The following KRT7 variants were observed in gnomAD, a reference collection of about 807,000 sequenced individuals.
KRT7 encodes the protein keratin, type II cytoskeletal 7.
Under a neutral mutation model 42.8 loss-of-function variants are expected in KRT7, and 50 were observed. That is an observed-to-expected ratio of 1.17 (90% confidence interval 0.93 to 1.48). KRT7 has a LOEUF of 1.48. Ranked by LOEUF, KRT7 falls within the 40% of genes most tolerant of loss-of-function variation. The pLI is 0.00. For synonymous variants in KRT7, 268 were observed against 266.3 expected (o/e 1.01, Z -0.06); for missense variants, 588 against 637.6 (o/e 0.92, Z 0.84).
At chr12:52,243,738 C>T (rs1261233680) in intron 6 of KRT7, among the ~76,000 whole-genome samples, 2 of 152,218 alleles carry the variant, frequency 1.3e-5, no homozygotes, top group South Asian at 2.1e-4. Context: ...TTCTCAGAGA[C>T]GGCACTCTCA....
chr12:52,248,040 C>A, intron 7 of KRT7, 137 bp from the exon 8 acceptor site: 1 of 827,684 alleles, frequency 1.2e-6, no homozygotes, highest in Non-Finnish European at 2.0e-6. Context: ...TTTTACAAGG[C>A]TGAAGGCAGG....
At chr12:52,252,507 G>C (rs761803685), downstream of KRT7, 1 of 1,612,190 alleles carries the variant, frequency 6.2e-7, no homozygotes, top group Non-Finnish European at 8.5e-7. Flanking sequence ...GGGTTATTAA[G>C]GATCTCTGTT....
chr12:52,233,444 G>C lies in KRT7; in HGVS notation c.148G>C (p.Ala50Pro). 1 of 1,582,420 alleles carries C rather than the reference G, an allele frequency of 6.3e-7. No homozygotes were observed. The highest frequency in any genetic ancestry group is 8.6e-7 in the Non-Finnish European group (1 of 1,169,490). The change falls in exon 1 of 9, where the codon GCC (alanine) becomes CCC (proline). Residue 50 changes from alanine (A) to proline (P), a missense_variant. By Grantham distance (27) the Ala-to-Pro change is conservative (BLOSUM62 -1). Coordinates refer to ENST00000331817, the MANE Select transcript of KRT7 (RefSeq NM_005556.4). ...YGLGASRPRV[A>P]VRSAYGGPVG... Reference sequence around the variant, plus strand: ...CCTCGGCGCCTCACGGCCGCGCGTGGCCGTGCGCTCTGCCTATGGGGGCCC... The same window carrying C: ...CCTCGGCGCCTCACGGCCGCGCGTGCCCGTGCGCTCTGCCTATGGGGGCCC...
chr12:52,233,459 T>C lies in KRT7; in HGVS notation c.163T>C (p.Tyr55His), dbSNP rs770671474. The C allele has an allele frequency of 2.5e-6, 4 of 1,608,564 alleles. No homozygotes were observed. The highest frequency in any genetic ancestry group is 2.5e-6 in the Non-Finnish European group (3 of 1,178,416). The change falls in exon 1 of 9, where the codon TAT becomes CAT. Residue 55 changes from tyrosine to histidine, a missense_variant. Coordinates refer to ENST00000331817, the MANE Select transcript of KRT7 (RefSeq NM_005556.4). ...GCCGCGCGTGGCCGTGCGCTCTGCC[T>C]ATGGGGGCCCGGTGGGCGCCGGCAT... ...SRPRVAVRSA[Y>H]GGPVGAGIRE...
At chr12:52,255,393 G>C (rs866530999), downstream of KRT7, 2 of 456,672 alleles carry the variant, frequency 4.4e-6, no homozygotes, top group African/African-American at 2.0e-5. Context: ...GGCCCTTAGT[G>C]CCACCTCTTC....
downstream of KRT7, chr12:52,253,639 G>A (rs778938354): frequency 5.6e-5 from 86 of 1,545,646 alleles, no homozygotes; most frequent in South Asian, 6.6e-5. Flanking sequence ...GCCCGGCTGC[G>A]GGTGGCAATG....
chr12:52,253,231 C>T (rs568102715), downstream of KRT7: 18 of 1,609,360 alleles, frequency 1.1e-5, no homozygotes, highest in African/African-American at 1.5e-4. Context: ...TGGCGTTCTC[C>T]ACCTCGGCTG....
At chr12:52,238,075 C>T (rs1398314563) in intron 3 of KRT7, among the ~76,000 whole-genome samples, 1 of 152,130 alleles carries the variant, frequency 6.6e-6, no homozygotes, top group East Asian at 1.9e-4. Flanking sequence ...CCAGGCCAAA[C>T]CACAGAATTG....
chr12:52,237,512 C>A lies in KRT7; in HGVS notation c.540C>A (p.Tyr180Ter). The A allele has an allele frequency of 6.2e-7, 1 of 1,610,110 alleles. No homozygotes were observed. Among genetic ancestry groups the A allele is most frequent in the Non-Finnish European group, 8.5e-7 (1 of 1,177,394 alleles). ...QDVVEDFKNK[Y>*]EDEINHRTAA... Reference sequence around the variant, plus strand: ...ACCAGGCCCTCCTCTACTGTAGGTACGAAGATGAAATTAACCACCGCACAG... The same window carrying A: ...ACCAGGCCCTCCTCTACTGTAGGTAAGAAGATGAAATTAACCACCGCACAG... Residue 180 changes from tyrosine (Y) to a stop codon, truncating the protein, a stop_gained, in exon 3 of 9, where the codon TAC (tyrosine) becomes TAA (stop). Coordinates refer to ENST00000331817, the MANE Select transcript of KRT7 (RefSeq NM_005556.4). LOFTEE classifies it high-confidence loss of function.
chr12:52,250,999 A>C (rs549568644), downstream of KRT7, among the ~76,000 whole-genome samples: 2 of 152,288 alleles, frequency 1.3e-5, no homozygotes, highest in Admixed American at 1.3e-4. Flanking sequence ...TTTATTTTTG[A>C]GACGGAGTCT....
rs1942029978 is a variant in KRT7, at chr12:52,237,634, C to T, written c.597+65C>T. 2.8e-6 allele frequency: 4 copies of T among 1,404,688 alleles called. No individual in the cohort carries two copies. The Admixed American group carries it at 7.1e-5, about 25-fold the overall frequency. 87.0% of individuals were successfully genotyped at this position (1,404,688 alleles called of 1,614,324 possible). A position where few individuals can be genotyped will look rare whatever the true frequency, so the allele number is the denominator to read the frequency against. On this transcript the variant is annotated intron_variant, in intron 3 of 8. Transcript: ENST00000331817. ...ACATGGGACAAAGGACCACAGGATC[C>T]TCTCACCTGAGCAGCCCATGGGGAC...
chr12:52,255,844 T>C (rs966950163), downstream of KRT7, among the ~76,000 whole-genome samples: 1 of 152,212 alleles, frequency 6.6e-6, no homozygotes, highest in Non-Finnish European at 1.5e-5. Flanking sequence ...ATAAACATAA[T>C]GATGAAGTAG....
At chr12:52,254,489 C>T, downstream of KRT7, 1 of 427,680 alleles carries the variant, frequency 2.3e-6, no homozygotes, top group Non-Finnish European at 4.6e-6. Flanking sequence ...TGTACGTGCT[C>T]ATCCCAGTGC....
At chr12:52,252,541 G>A (rs1201648804), downstream of KRT7, 4 of 1,583,652 alleles carry the variant, frequency 2.5e-6, no homozygotes, top group Non-Finnish European at 3.4e-6. Context: ...CAGAGGCCAG[G>A]TAACCACTGA....
In KRT7 at chr12:52,241,499, TCC is replaced by T; in HGVS notation, c.722_723del (p.Ser241Ter). ...GTTGACAGAGCTGCAGTCCCAGATC[TCC>T]GACACATCTGTGGTGCTGTCCATGG... is the stretch of plus-strand genomic sequence containing the variant. ...TELTELQSQI[S>X]DTSVVLSMDN... On this transcript the variant is annotated frameshift_variant, in exon 5 of 9. Coordinates refer to ENST00000331817, the MANE Select transcript of KRT7 (RefSeq NM_005556.4). LOFTEE classifies it high-confidence loss of function. The T allele has an allele frequency of 1.2e-6, 2 of 1,613,358 alleles. No individual in the cohort carries two copies. Among genetic ancestry groups the T allele is most frequent in the Non-Finnish European group, 1.7e-6 (2 of 1,179,614 alleles).
At chr12:52,235,398 C>T (rs1270297282) in intron 2 of KRT7, 32 bp downstream of exon 2, 2 of 1,559,448 alleles carry the variant, frequency 1.3e-6, no homozygotes, top group Admixed American at 3.5e-5. Context: ...GCGAAGACCC[C>T]TGCCCCGGGC....
At chr12:52,239,127 G>GT (rs34771677) in intron 4 of KRT7, among the ~76,000 whole-genome samples, 67 of 151,374 alleles carry the variant, frequency 4.4e-4, no homozygotes, top group Non-Finnish European at 5.9e-4. Flanking sequence ...GGCTTTAGGT[G>GT]TTTTTTTTTA....
chr12:52,248,475 G>C, intron 8 of KRT7, 116 bp from the exon 9 acceptor site: 26 of 1,151,430 alleles, frequency 2.3e-5, no homozygotes, highest in Non-Finnish European at 3.0e-5. Context: ...GCCCATGGAG[G>C]GGGGCAGGGG....
downstream of KRT7, chr12:52,251,941 T>G (rs1942271571): frequency 1.9e-6 from 1 of 536,438 alleles, no homozygotes. Flanking sequence ...GAGCCTAAAG[T>G]TTTTACTATC....
Sources: allele counts gnomAD v4.1 joint callset (sites outside exome capture counted in the v4.1 genomes callset), GRCh38; gene constraint gnomAD v4.1.1; transcripts MANE v1.5; gene names NCBI Gene and HGNC (gene_info 2026-07-23, HGNC 2026-07-21).